The following HERC6 variants were observed in gnomAD, a reference collection of about 807,000 sequenced individuals.
HERC6 encodes the protein probable E3 ubiquitin-protein ligase HERC6.
A neutral mutation model predicts 114.5 loss-of-function variants in HERC6; 101 were observed. That is an observed-to-expected ratio of 0.88 (90% CI 0.75 to 1.04). The LOEUF is 1.04. Among genes scored for constraint, HERC6 ranks in the 50% least tolerant of loss-of-function variants. The pLI is 0.00. For missense variants in HERC6, 1,133 were observed against 1,230.9 expected, an observed-to-expected ratio of 0.92 and a Z score of 1.19; for synonymous variants, 408 against 436.2, an observed-to-expected ratio of 0.94 and a Z score of 0.81.
chr4:88,417,359 C>T (rs1271194668), intron 12 of HERC6, 66 bp from the exon 13 acceptor site: 52 of 1,434,038 alleles, frequency 3.6e-5, no homozygotes, highest in Middle Eastern at 3.5e-4. Context: ...AAAGAACCCA[C>T]TAGAAACAGA....
intron 12 of HERC6, among the ~76,000 whole-genome samples, chr4:88,414,894 T>G (rs1270013023): frequency 1.3e-5 from 2 of 152,150 alleles, no homozygotes; most frequent in Non-Finnish European, 2.9e-5. Flanking sequence ...GGTAGCCCAG[T>G]AGGTCTCAGC....
intron 17 of HERC6, among the ~76,000 whole-genome samples, chr4:88,431,982 C>T (rs1287376864): frequency 6.6e-6 from 1 of 152,164 alleles, no homozygotes. Flanking sequence ...TAGGAAATAA[C>T]CTACATATCC....
At chr4:88,431,099 T>G in intron 16 of HERC6, 63 bp from the exon 17 acceptor site, 1 of 1,470,038 alleles carries the variant, frequency 6.8e-7, no homozygotes, top group Non-Finnish European at 9.3e-7. Flanking sequence ...GGTTTAAAAC[T>G]TCCATAAAGC....
intron 12 of HERC6, among the ~76,000 whole-genome samples, chr4:88,415,299 G>T (rs1356800431): frequency 6.6e-6 from 1 of 152,166 alleles, no homozygotes; most frequent in Non-Finnish European, 1.5e-5. Context: ...AATGGCTGAA[G>T]AATGTTCTAT....
At chr4:88,381,481 G>A (rs1734315358) in intron 1 of HERC6, among the ~76,000 whole-genome samples, 1 of 151,534 alleles carries the variant, frequency 6.6e-6, no homozygotes, top group South Asian at 2.1e-4. Context: ...TGGAAGATAA[G>A]GGTTATTTTA....
chr4:88,433,251 A>G (rs1578428974), intron 17 of HERC6, among the ~76,000 whole-genome samples: 1 of 152,184 alleles, frequency 6.6e-6, no homozygotes, highest in Non-Finnish European at 1.5e-5. Flanking sequence ...CACTTGTGGC[A>G]TCATGTTGGC....
intron 11 of HERC6, among the ~76,000 whole-genome samples, chr4:88,409,586 T>C (rs1479503574): frequency 6.6e-6 from 1 of 152,190 alleles, no homozygotes; most frequent in Non-Finnish European, 1.5e-5. Flanking sequence ...TAGCATGATA[T>C]AGGAAAAGAG....
intron 6 of HERC6, among the ~76,000 whole-genome samples, chr4:88,396,563 GA>G (rs1369216548): frequency 2.0e-5 from 3 of 151,470 alleles, no homozygotes; most frequent in East Asian, 1.9e-4. Context: ...CATTAAAAAA[GA>G]AAAAAAATAG....
At chr4:88,386,246 C>A (rs1734575332) in intron 3 of HERC6, among the ~76,000 whole-genome samples, 1 of 149,082 alleles carries the variant, frequency 6.7e-6, no homozygotes, top group African/African-American at 2.5e-5. Context: ...TGTTCTGTCA[C>A]CCAGGCTGGA....
chr4:88,435,807 C>G lies in HERC6; in HGVS notation c.2333C>G (p.Pro778Arg). 1 of 1,612,164 alleles carries G rather than the reference C, an allele frequency of 6.2e-7. No homozygotes were observed. Among genetic ancestry groups the G allele is most frequent in the South Asian group, 1.1e-5 (1 of 90,860 alleles). Residue 778 changes from proline (P) to arginine (R), a missense_variant, in exon 18 of 23, where the codon CCT (proline) becomes CGT (arginine). Around this residue, in one of 3 missense-constraint regions of HERC6, gnomAD observed 388 missense variants for 445.9 expected, o/e 0.87. Transcript: ENST00000264346. ...SLFNLNVANLPFPLALYKKLL... is the reference protein window; with the variant it reads ...SLFNLNVANLRFPLALYKKLL... Reference sequence around the variant, plus strand: ...TTCAATTTAAATGTTGCTAACCTTCCTTTCCCACTGGCTCTGTATAAAAAA... The same window carrying G: ...TTCAATTTAAATGTTGCTAACCTTCGTTTCCCACTGGCTCTGTATAAAAAA...
rs1453564019 is a variant in HERC6, at chr4:88,379,097, G to T, written c.176G>T (p.Gly59Val). 4.5e-6 allele frequency: 7 copies of T among 1,544,444 alleles called. No homozygotes were observed. Among genetic ancestry groups the T allele is most frequent in the Admixed American group, 2.0e-5 (1 of 51,010 alleles). ...DNSRGQLGRR[G>V]AQRGELPEPI... ...AGCAGGGGTCAGCTGGGCCGCAGGG[G>T]CGCGCAGCGCGGGGAGCTGCCAGGT... The change falls in exon 1 of 23, where the codon GGC becomes GTC. Residue 59 changes from glycine (G) to valine (V), a missense_variant. Transcript: ENST00000264346.
At chr4:88,409,786 T>C (rs1201464414) in intron 11 of HERC6, among the ~76,000 whole-genome samples, 1 of 152,232 alleles carries the variant, frequency 6.6e-6, no homozygotes, top group Non-Finnish European at 1.5e-5. Flanking sequence ...TATTGTGTGA[T>C]TCTGGGTTGT....
At chr4:88,411,120 T>C (rs530571630) in intron 11 of HERC6, among the ~76,000 whole-genome samples, 1 of 152,312 alleles carries the variant, frequency 6.6e-6, no homozygotes, top group East Asian at 1.9e-4. Context: ...TAATGTGTAG[T>C]AGATACAATA....
At chr4:88,386,959 T>G (rs960448908) in intron 3 of HERC6, among the ~76,000 whole-genome samples, 3 of 152,248 alleles carry the variant, frequency 2.0e-5, no homozygotes, top group Non-Finnish European at 2.9e-5. Context: ...GACTATAACA[T>G]TTGTATGTTC....
Position 88,379,092 on chromosome 4 carries a change from C to A in HERC6, c.171C>A (p.Arg57=). ...CGDNSRGQLG[R]RGAQRGELPE... is the part of the protein sequence containing the mutation. ...ACAACAGCAGGGGTCAGCTGGGCCGCAGGGGCGCGCAGCGCGGGGAGCTGC... is the reference window on the plus strand; with the variant it reads ...ACAACAGCAGGGGTCAGCTGGGCCGAAGGGGCGCGCAGCGCGGGGAGCTGC... The change falls in exon 1 of 23, where the codon CGC becomes CGA. Residue 57 remains arginine, a synonymous_variant. Coordinates refer to ENST00000264346, the MANE Select transcript of HERC6 (RefSeq NM_017912.4). 6.5e-7 allele frequency: 1 copy of A among 1,545,228 alleles called. No individual in the cohort carries two copies.
At chr4:88,438,800 C>A (rs901063009) in intron 20 of HERC6, among the ~76,000 whole-genome samples, 1 of 152,176 alleles carries the variant, frequency 6.6e-6, no homozygotes, top group African/African-American at 2.4e-5. Flanking sequence ...CCCCTCCCCT[C>A]CCACTCCTTT....
chr4:88,424,829 T>C, intron 15 of HERC6, 127 bp downstream of exon 15: 1 of 628,652 alleles, frequency 1.6e-6, no homozygotes, highest in South Asian at 2.1e-5. Context: ...ATCTATCACT[T>C]TTTTTCTTTG....
At chr4:88,397,393 T>A (rs1210928229) in intron 7 of HERC6, among the ~76,000 whole-genome samples, 1 of 152,084 alleles carries the variant, frequency 6.6e-6, no homozygotes, top group Non-Finnish European at 1.5e-5. Context: ...ATTACAGGCA[T>A]GAGCCACCGC....
rs1737867785 is a variant in HERC6 at position 88,428,592 on chromosome 4, A to C, written c.1948A>C (p.Lys650Gln). Residue 650 changes from lysine to glutamine, a missense_variant, in exon 16 of 23, where the codon AAA becomes CAA. This residue lies in a region of HERC6 where 388 missense variants were observed against 445.9 expected (regional missense o/e 0.87). Transcript: ENST00000264346. ...TTTATTTTTCCAGATGTCAGAAAAG[A>C]AAGCATACATGCTTATGCATGAAAC... ...SHIKMQMSEK[K>Q]AYMLMHETIL... 1 of 1,584,880 alleles carries C rather than the reference A, an allele frequency of 6.3e-7. No homozygotes were observed. The highest frequency in any genetic ancestry group is 1.4e-5 in the African/African-American group (1 of 73,414).
Sources: gnomAD v4.1 joint callset for allele counts (sites outside exome capture counted in the v4.1 genomes callset) on GRCh38, gnomAD v4.1.1 for gene constraint, gnomAD v4.1.1 regional missense constraint, MANE v1.5 for transcripts, NCBI Gene and HGNC (gene_info 2026-07-23, HGNC 2026-07-21) for gene names.